Variants in ZNF618 observed in about 807,000 individuals in gnomAD.
The protein encoded by ZNF618 is zinc finger protein 618.
Under a neutral mutation model 103.0 loss-of-function variants are expected in ZNF618, and 34 were observed. That is an observed-to-expected ratio of 0.33 (90% CI 0.25 to 0.44). The LOEUF (loss-of-function observed/expected upper bound fraction) is 0.44. ZNF618 is among the 20% of genes least tolerant of loss of function. ZNF618 has a pLI of 1.00. For missense variants in ZNF618, 1,059 were observed against 1,295.4 expected, an observed-to-expected ratio of 0.82 and a Z score of 2.80; for synonymous variants, 551 against 542.2, an observed-to-expected ratio of 1.02 and a Z score of -0.23.
At chr9:113,977,604 A>C (rs1463767193) in intron 2 of ZNF618, among the ~76,000 whole-genome samples, 3 of 152,176 alleles carry the variant, frequency 2.0e-5, no homozygotes, top group African/African-American at 7.2e-5. Flanking sequence ...TATCTGGGAG[A>C]CAGAGAGGTG....
intron 1 of ZNF618, among the ~76,000 whole-genome samples, chr9:113,916,261 A>C (rs1832069434): frequency 6.6e-6 from 1 of 152,220 alleles, no homozygotes; most frequent in Non-Finnish European, 1.5e-5. Context: ...GCTGCAATAA[A>C]AAATCACAGC....
chr9:113,878,042 A>G (rs1265176593), intron 1 of ZNF618, among the ~76,000 whole-genome samples: 1 of 139,944 alleles, frequency 7.1e-6, no homozygotes, highest in African/African-American at 3.1e-5. Flanking sequence ...TTTATTACTT[A>G]AAAAAAATTT....
At chr9:113,921,578 G>A (rs911170995) in intron 1 of ZNF618, among the ~76,000 whole-genome samples, 1 of 152,248 alleles carries the variant, frequency 6.6e-6, no homozygotes, top group Non-Finnish European at 1.5e-5. Context: ...GGCAAACAGA[G>A]TTAGGAGTCA....
intron 1 of ZNF618, among the ~76,000 whole-genome samples, chr9:113,945,492 G>T (rs143643191): frequency 2.4e-4 from 36 of 152,214 alleles, no homozygotes; most frequent in African/African-American, 8.4e-4. Context: ...TTGTTCACTC[G>T]TTTTGTCCAT....
At chr9:114,009,644 A>G (rs1842065145) in intron 9 of ZNF618, among the ~76,000 whole-genome samples, 1 of 152,120 alleles carries the variant, frequency 6.6e-6, no homozygotes, top group African/African-American at 2.4e-5. Flanking sequence ...AGAGACCTTT[A>G]TGGTCTCTGC....
At chr9:113,989,798 G>A (rs1839855153) in intron 3 of ZNF618, among the ~76,000 whole-genome samples, 1 of 152,214 alleles carries the variant, frequency 6.6e-6, no homozygotes, top group Non-Finnish European at 1.5e-5. Flanking sequence ...TTTGCCAGCT[G>A]TTCCCTGCTG....
intron 13 of ZNF618, 146 bp downstream of exon 13, chr9:114,036,523 C>T (rs1844627368): frequency 1.2e-6 from 1 of 831,716 alleles, no homozygotes; most frequent in Non-Finnish European, 1.9e-6. Flanking sequence ...TGCAGGGAGC[C>T]CCAGTCAGTC....
chr9:113,944,351 C>A (rs970993683), intron 1 of ZNF618, among the ~76,000 whole-genome samples: 4 of 152,174 alleles, frequency 2.6e-5, no homozygotes, highest in Non-Finnish European at 5.9e-5. Flanking sequence ...GGTCTTGGCT[C>A]ACTGCAAACT....
At chr9:114,011,783 G>A (rs1456706780) in intron 9 of ZNF618, among the ~76,000 whole-genome samples, 1 of 152,202 alleles carries the variant, frequency 6.6e-6, no homozygotes, top group Non-Finnish European at 1.5e-5. Flanking sequence ...ACTTAGGTTG[G>A]AAGAAGCCCA....
chr9:113,953,007 T>C (rs1588139052), intron 1 of ZNF618, among the ~76,000 whole-genome samples: 2 of 152,368 alleles, frequency 1.3e-5, no homozygotes, highest in Admixed American at 1.3e-4. Context: ...TAATAGTATC[T>C]TAATACATAC....
At chr9:113,939,107 C>A (rs1454962957) in intron 1 of ZNF618, among the ~76,000 whole-genome samples, 6 of 151,974 alleles carry the variant, frequency 3.9e-5, no homozygotes, top group Non-Finnish European at 8.8e-5. Flanking sequence ...TAGCTAGCAT[C>A]ACCAGAATAA....
At chr9:113,931,245 T>C (rs765910701) in intron 1 of ZNF618, among the ~76,000 whole-genome samples, 2 of 152,240 alleles carry the variant, frequency 1.3e-5, no homozygotes, top group African/African-American at 4.8e-5. Context: ...TGCTGTGTAC[T>C]CAGCATAGAG....
chr9:113,924,550 T>G (rs1208531394), intron 1 of ZNF618, among the ~76,000 whole-genome samples: 1 of 151,560 alleles, frequency 6.6e-6, no homozygotes, highest in Non-Finnish European at 1.5e-5. Flanking sequence ...ATTTCATTGA[T>G]TTCTGCTCTA....
intron 13 of ZNF618, among the ~76,000 whole-genome samples, chr9:114,038,538 G>A (rs1252684942): frequency 2.0e-5 from 3 of 152,228 alleles, no homozygotes; most frequent in South Asian, 2.1e-4. Context: ...CAGCGCCGAC[G>A]ATAAGGAGGA....
At chr9:114,027,290 T>G (rs1843596550) in intron 10 of ZNF618, among the ~76,000 whole-genome samples, 1 of 152,080 alleles carries the variant, frequency 6.6e-6, no homozygotes, top group African/African-American at 2.4e-5. Flanking sequence ...GCAGCTCAGG[T>G]CACAAGGGAC....
chr9:113,997,545 C>T (rs1233368883), intron 3 of ZNF618, among the ~76,000 whole-genome samples: 1 of 152,182 alleles, frequency 6.6e-6, no homozygotes, highest in Non-Finnish European at 1.5e-5. Flanking sequence ...TCACCTTTAC[C>T]TGCTGGAATT....
intron 1 of ZNF618, among the ~76,000 whole-genome samples, chr9:113,943,934 G>C (rs1357667652): frequency 6.6e-6 from 1 of 152,192 alleles, no homozygotes; most frequent in Non-Finnish European, 1.5e-5. Flanking sequence ...CAGAGAGTAA[G>C]AGTCAAGTGA....
In ZNF618 at chr9:114,002,623, G is replaced by A. The variant is rs779561604; in HGVS notation, c.512-1G>A. On this transcript the variant is annotated splice_acceptor_variant, in intron 5 of 14. Transcript: ENST00000374126. LOFTEE classifies it high-confidence loss of function. ...CCATCCCTCTCTCTCTCTCTTTGCA[G>A]ACACCGAAGCCACCTCAGGGGAGGG... is the stretch of plus-strand genomic sequence containing the variant. 2 of 1,610,124 alleles carry A rather than the reference G, an allele frequency of 1.2e-6. No individual in the cohort carries two copies. The highest frequency in any genetic ancestry group is 2.7e-5 in the African/African-American group (2 of 74,888).
At chr9:113,934,815 C>T (rs1367205461) in intron 1 of ZNF618, among the ~76,000 whole-genome samples, 1 of 152,192 alleles carries the variant, frequency 6.6e-6, no homozygotes, top group East Asian at 1.9e-4. Context: ...AGGCCTTGGG[C>T]GTGAGGATGT....
Sources: gnomAD v4.1 joint callset for allele counts (sites outside exome capture counted in the v4.1 genomes callset) on GRCh38, gnomAD v4.1.1 for gene constraint, MANE v1.5 for transcripts, NCBI Gene and HGNC (gene_info 2026-07-23, HGNC 2026-07-21) for gene names.